The following FOXJ3 variants were observed in gnomAD, a reference collection of about 807,000 sequenced individuals.
The protein encoded by FOXJ3 is forkhead box protein J3.
FOXJ3 carries 22 observed loss-of-function variants against 76.1 expected under a neutral mutation model. The ratio of observed to expected loss-of-function variants is 0.29; its 90% CI spans 0.21 to 0.41. FOXJ3 has a LOEUF of 0.41. FOXJ3 is among the 10% of genes least tolerant of loss of function. FOXJ3 has a pLI of 1.00. For synonymous variants in FOXJ3, 269 were observed against 261.2 expected (o/e 1.03, Z -0.29); for missense variants, 613 against 762.1 (o/e 0.80, Z 2.30).
intron 2 of FOXJ3, among the ~76,000 whole-genome samples, chr1:42,309,809 C>T (rs1262944247): frequency 6.6e-6 from 1 of 152,200 alleles, no homozygotes; most frequent in Non-Finnish European, 1.5e-5. Flanking sequence ...CCACGACAAT[C>T]CCTCAGGGGC....
chr1:42,254,985 A>G (rs1650463292), intron 4 of FOXJ3, among the ~76,000 whole-genome samples: 1 of 152,028 alleles, frequency 6.6e-6, no homozygotes, highest in Non-Finnish European at 1.5e-5. Context: ...AAAAAAGAAA[A>G]GAAAAAAAAA....
At chr1:42,334,881 G>GGCCCCAGCCGGGGCCCAGGCCCCCT (rs1656384435) in intron 1 of FOXJ3, 178 bp downstream of exon 1, 1 of 152,192 alleles carries the variant, frequency 6.6e-6, no homozygotes, top group Non-Finnish European at 1.5e-5. Context: ...GCGTCCGCCA[G>GGCCCCAGCCGGGGCCCAGGCCCCCT]GCCCCAGCCG....
intron 4 of FOXJ3, among the ~76,000 whole-genome samples, chr1:42,244,977 C>T (rs1197953382): frequency 8.6e-5 from 13 of 152,024 alleles, no homozygotes; most frequent in Non-Finnish European, 1.6e-4. Flanking sequence ...GTCAGGAGTT[C>T]GAGACCAGCC....
At chr1:42,324,079 AGTATATATACT>A (rs1248708755) in intron 1 of FOXJ3, among the ~76,000 whole-genome samples, 1 of 74,302 alleles carries the variant, frequency 1.3e-5, no homozygotes, top group African/African-American at 6.6e-5. Context: ...GTGTATATAT[AGTATATATACT>A]GTATATATAC....
At chr1:42,225,993 G>A (rs1557653033) in intron 5 of FOXJ3, among the ~76,000 whole-genome samples, 1 of 152,138 alleles carries the variant, frequency 6.6e-6, no homozygotes, top group African/African-American at 2.4e-5. Flanking sequence ...GAAATTCCAG[G>A]AACTTCAGAA....
rs372943909 is a variant in FOXJ3 at position 42,191,493 on chromosome 1, C to A, written c.1161G>T (p.Pro387=). 7.4e-6 allele frequency: 12 copies of A among 1,613,496 alleles called. No homozygotes were observed. The highest frequency in any genetic ancestry group is 1.7e-5 in the Admixed American group (1 of 59,956). Residue 387 remains proline, a synonymous_variant, in exon 9 of 13, where the codon CCG becomes CCT. Transcript: ENST00000361346. ...TQPSPHPPHR[P]HGLPQHPQRS... ...GCTGCGGATGCTGCGGTAAACCATG[C>A]GGTCGATGGGGAGGATGTGGAGATG...
intron 1 of FOXJ3, among the ~76,000 whole-genome samples, chr1:42,324,848 T>C (rs1406720136): frequency 6.6e-6 from 1 of 152,194 alleles, no homozygotes; most frequent in East Asian, 1.9e-4. Context: ...GATGAGTGAC[T>C]GTGAAGGCCT....
intron 4 of FOXJ3, among the ~76,000 whole-genome samples, chr1:42,240,738 G>A (rs975719775): frequency 1.3e-5 from 2 of 152,158 alleles, no homozygotes; most frequent in Non-Finnish European, 2.9e-5. Context: ...AAATGGAAGG[G>A]ATAAAACTGT....
At chr1:42,183,037 G>A (rs1299649226) in intron 11 of FOXJ3, among the ~76,000 whole-genome samples, 1 of 150,512 alleles carries the variant, frequency 6.6e-6, no homozygotes, top group African/African-American at 2.5e-5. Flanking sequence ...CACTTTGGGA[G>A]GCAGAGGCGG....
chr1:42,184,304 T>C (rs1646389912), intron 11 of FOXJ3, among the ~76,000 whole-genome samples: 1 of 152,154 alleles, frequency 6.6e-6, no homozygotes, highest in Non-Finnish European at 1.5e-5. Context: ...ATTAATCTTT[T>C]ACCACTTCTC....
intron 4 of FOXJ3, among the ~76,000 whole-genome samples, chr1:42,228,972 G>C (rs962588369): frequency 1.3e-5 from 2 of 152,088 alleles, no homozygotes; most frequent in African/African-American, 4.8e-5. Context: ...TTAACAATGA[G>C]GGGAAATACA....
intron 3 of FOXJ3, among the ~76,000 whole-genome samples, chr1:42,266,390 A>G (rs990599427): frequency 6.6e-6 from 1 of 152,188 alleles, no homozygotes; most frequent in African/African-American, 2.4e-5. Flanking sequence ...ACCTATTTTT[A>G]AGCCACATCA....
At chr1:42,327,048 G>A (rs556557756) in intron 1 of FOXJ3, among the ~76,000 whole-genome samples, 2 of 152,278 alleles carry the variant, frequency 1.3e-5, no homozygotes, top group Non-Finnish European at 2.9e-5. Context: ...TCACAAGGCT[G>A]TTATAAGTCT....
At chr1:42,255,045 T>C (rs566793039) in intron 4 of FOXJ3, among the ~76,000 whole-genome samples, 137 of 151,044 alleles carry the variant, frequency 9.1e-4, no homozygotes, top group Non-Finnish European at 1.6e-3. Context: ...TCAGAAAAGG[T>C]AAATAACTAA....
intron 2 of FOXJ3, among the ~76,000 whole-genome samples, chr1:42,291,025 T>G (rs982270145): frequency 8.9e-5 from 12 of 134,242 alleles, no homozygotes; most frequent in East Asian, 8.8e-4. Context: ...AAAAGACCCA[T>G]ATAGATAGAT....
intron 4 of FOXJ3, among the ~76,000 whole-genome samples, chr1:42,232,799 T>G (rs1648268838): frequency 6.6e-6 from 1 of 152,228 alleles, no homozygotes; most frequent in South Asian, 2.1e-4. Context: ...TTTAGTTTAA[T>G]TAGATCCCAT....
At chr1:42,235,215 T>C (rs939020936) in intron 4 of FOXJ3, among the ~76,000 whole-genome samples, 5 of 152,200 alleles carry the variant, frequency 3.3e-5, no homozygotes, top group Non-Finnish European at 7.3e-5. Context: ...GCACGGGATA[T>C]AATCTCCTGG....
chr1:42,295,934 A>C (rs1472392734), intron 2 of FOXJ3, among the ~76,000 whole-genome samples: 1 of 152,230 alleles, frequency 6.6e-6, no homozygotes, highest in Non-Finnish European at 1.5e-5. Context: ...AGAAATCTCC[A>C]TAGTTTTCCA....
At chr1:42,322,169 G>GT (rs1412075130) in intron 1 of FOXJ3, among the ~76,000 whole-genome samples, 1 of 152,118 alleles carries the variant, frequency 6.6e-6, no homozygotes, top group African/African-American at 2.4e-5. Flanking sequence ...AGAGTGGGAA[G>GT]TGGCTATGGT....
Sources: allele counts gnomAD v4.1 joint callset (sites outside exome capture counted in the v4.1 genomes callset), GRCh38; gene constraint gnomAD v4.1.1; transcripts MANE v1.5; gene names NCBI Gene and HGNC (gene_info 2026-07-23, HGNC 2026-07-21).